SCRIB: variants seen among roughly 807,000 people sequenced by gnomAD.
The protein encoded by SCRIB is scribble planar cell polarity protein, also known as protein scribble homolog.
A neutral mutation model predicts 170.0 loss-of-function variants in SCRIB; 72 were observed. The ratio of observed to expected loss-of-function variants is 0.42; its 90% CI spans 0.35 to 0.52. The LOEUF (loss-of-function observed/expected upper bound fraction) is 0.52. Among genes scored for constraint, SCRIB ranks in the 20% least tolerant of loss-of-function variants. SCRIB has a pLI of 0.02. For synonymous variants in SCRIB, 1,298 were observed against 1,044.3 expected, an observed-to-expected ratio of 1.24 and a Z score of -4.68; for missense variants, 2,475 against 2,338.5, an observed-to-expected ratio of 1.06 and a Z score of -1.20.
chr8:143,808,166 G>A (rs1449222687), intron 15 of SCRIB, among the ~76,000 whole-genome samples: 1 of 152,208 alleles, frequency 6.6e-6, no homozygotes, highest in African/African-American at 2.4e-5. Flanking sequence ...CCTGCCCTGG[G>A]ACCACGACAC....
chr8:143,795,242 G>A (rs782051785), intron 26 of SCRIB, 35 bp downstream of exon 26: 2 of 1,611,566 alleles, frequency 1.2e-6, no homozygotes, highest in Non-Finnish European at 1.7e-6. Context: ...CCGCTCCAGT[G>A]CCCTGATGTG....
chr8:143,804,040 C>A lies in SCRIB; in HGVS notation c.3120+6G>T. On this transcript the variant is annotated splice_donor_region_variant and intron_variant, in intron 22 of 36. Coordinates refer to ENST00000356994, the MANE Select transcript of SCRIB (RefSeq NM_182706.5). ...CTCACAGAACCGCCTGGATGGGCCG[C>A]CCTACCTTGGAGATGAACACACCAG... 2 of 1,602,636 alleles carry A rather than the reference C, an allele frequency of 1.2e-6. No homozygotes were observed. The highest frequency in any genetic ancestry group is 1.7e-6 in the Non-Finnish European group (2 of 1,172,624).
chr8:143,810,341 C>T (rs1815649633), intron 13 of SCRIB, 138 bp downstream of exon 13: 1 of 1,303,484 alleles, frequency 7.7e-7, no homozygotes, highest in Non-Finnish European at 1.1e-6. Context: ...GCTCCATGTC[C>T]CTGAAACCTG....
At position 143,795,348 on chromosome 8, in the gene SCRIB, G is replaced by A. The variant is rs782579942; in HGVS notation, c.3715-15C>T. ...AGCTCCTTCTCCTGTGAGCAGAGCAGAGCAGACCCGTCAGGCACCACCGGC... is the reference window on the plus strand; with the variant it reads ...AGCTCCTTCTCCTGTGAGCAGAGCAAAGCAGACCCGTCAGGCACCACCGGC... On this transcript the variant is annotated splice_polypyrimidine_tract_variant and intron_variant, in intron 25 of 36. Coordinates refer to ENST00000356994, the MANE Select transcript of SCRIB (RefSeq NM_182706.5). 5.0e-6 allele frequency: 8 copies of A among 1,612,604 alleles called. No homozygotes were observed. Among genetic ancestry groups the A allele is most frequent in the Non-Finnish European group, 5.9e-6 (7 of 1,179,678 alleles).
Position 143,807,791 on chromosome 8 carries a change from A to T in SCRIB, c.2116-177T>A, listed in dbSNP as rs577027324. On this transcript the variant is annotated intron_variant, in intron 15 of 36. Coordinates refer to ENST00000356994, the MANE Select transcript of SCRIB (RefSeq NM_182706.5). ...CGTGAGTGACACCACACACCTGGGGACAAGCGGGGCTCCAGAGCTGAGCAG... is the reference window on the plus strand; with the variant it reads ...CGTGAGTGACACCACACACCTGGGGTCAAGCGGGGCTCCAGAGCTGAGCAG... Among the ~76,000 whole-genome samples, 63 of 152,210 alleles carry T rather than the reference A, an allele frequency of 4.1e-4. No individual in the cohort carries two copies. In the South Asian group the frequency reaches 0.013, roughly 32 times the overall value.
In SCRIB at chr8:143,808,637, C is replaced by G; in HGVS notation, c.2087G>C (p.Gly696Ala). The change falls in exon 15 of 37, where the codon GGG becomes GCG. Residue 696 changes from glycine to alanine, a missense_variant. Gly to Ala is a moderately conservative substitution (Grantham distance 60). Around this residue, in one of 3 missense-constraint regions of SCRIB, gnomAD observed 1,966 missense variants for 1,742.9 expected, o/e 1.13. Coordinates refer to ENST00000356994, the MANE Select transcript of SCRIB (RefSeq NM_182706.5). ...GACAGAGGGCGCAGAAACCACGGCC[C>G]CCTCCTTGTCCTCCTCCTCAGTGCT... Reference protein sequence around the residue: ...EASTEEEDKEGAVVSAPSVKG... With the variant: ...EASTEEEDKEAAVVSAPSVKG... 6.6e-7 allele frequency: 1 copy of G among 1,512,430 alleles called. No individual in the cohort carries two copies. The highest frequency in any genetic ancestry group is 8.8e-7 in the Non-Finnish European group (1 of 1,131,458). 93.7% of individuals were successfully genotyped at this position (1,512,430 alleles called of 1,614,324 possible). A position where few individuals can be genotyped will look rare whatever the true frequency, so the allele number is the denominator to read the frequency against.
intron 1 of SCRIB, 138 bp from the exon 2 acceptor site, chr8:143,814,256 C>T (rs1404827481): frequency 1.5e-6 from 1 of 665,524 alleles, no homozygotes; most frequent in Admixed American, 2.7e-5. Flanking sequence ...TGGGGTCTAA[C>T]CACGACACCC....
intron 15 of SCRIB, 114 bp from the exon 16 acceptor site, chr8:143,807,728 C>T (rs1815493185): frequency 3.6e-6 from 3 of 844,208 alleles, no homozygotes; most frequent in South Asian, 2.7e-5. Context: ...CAGCAAGCTC[C>T]CTCGACTGCC....
chr8:143,815,678 T>C lies in SCRIB; in HGVS notation c.-306A>G. 1.0e-6 allele frequency: 1 copy of C among 982,338 alleles called. No individual in the cohort carries two copies. The highest frequency in any genetic ancestry group is 1.2e-6 in the Non-Finnish European group (1 of 828,852). 60.9% of individuals were successfully genotyped at this position (982,338 alleles called of 1,614,324 possible). ...CTGCTCAGCTCGTCCCGCCCGCTCG[T>C]CCGCCCGCTGTGCCGCACCGGAACC... On this transcript the variant is annotated 5_prime_UTR_variant, in exon 1 of 37. Coordinates refer to ENST00000356994, the MANE Select transcript of SCRIB (RefSeq NM_182706.5).
At chr8:143,814,204 A>C (rs1815905133) in intron 1 of SCRIB, 86 bp from the exon 2 acceptor site, 9 of 1,125,454 alleles carry the variant, frequency 8.0e-6, no homozygotes, top group Middle Eastern at 2.7e-4. Flanking sequence ...TCACAAGTCA[A>C]GAGTCCCTAG....
At chr8:143,813,158 C>A in intron 6 of SCRIB, 54 bp from the exon 7 acceptor site, 1 of 1,581,318 alleles carries the variant, frequency 6.3e-7, no homozygotes, top group South Asian at 1.1e-5. Flanking sequence ...TCCTGCTGCG[C>A]CGTGCTCAAG....
intron 26 of SCRIB, 29 bp from the exon 27 acceptor site, chr8:143,795,141 AG>A: frequency 6.2e-7 from 1 of 1,607,524 alleles, no homozygotes; most frequent in Non-Finnish European, 8.5e-7. Flanking sequence ...CAGCACTAGC[AG>A]GGGTAGCTCC....
Position 143,793,197 on chromosome 8 carries a change from C to T in SCRIB, c.3910-114G>A, listed in dbSNP as rs1233773902. On this transcript the variant is annotated intron_variant, in intron 28 of 36. Coordinates refer to ENST00000356994, the MANE Select transcript of SCRIB (RefSeq NM_182706.5). ...TCCCCCCGCCTGCCTTTGATCCCCACCCACCATCCTGCTGGGGAAGGAGGC... is the reference window on the plus strand; with the variant it reads ...TCCCCCCGCCTGCCTTTGATCCCCATCCACCATCCTGCTGGGGAAGGAGGC... 6 of 579,968 alleles carry T rather than the reference C, an allele frequency of 1.0e-5. No homozygotes were observed. The Admixed American group carries it at 1.9e-4, about 18-fold the overall frequency. 35.9% of individuals were successfully genotyped at this position (579,968 alleles called of 1,614,324 possible). A position where few individuals can be genotyped will look rare whatever the true frequency, so the allele number is the denominator to read the frequency against.
Position 143,791,729 on chromosome 8 carries a change from T to C in SCRIB, c.4707A>G (p.Gly1569=), listed in dbSNP as rs557094565. 10 of 1,594,804 alleles carry C rather than the reference T, an allele frequency of 6.3e-6. No individual in the cohort carries two copies. In the African/African-American group the frequency reaches 1.2e-4, roughly 20 times the overall value. Reference sequence around the variant, plus strand: ...CAAAGGCCCTGTAGTCAAACTTCTTTCCAGACAAGGGCTTGAAAGGACAGC... The same window carrying C: ...CAAAGGCCCTGTAGTCAAACTTCTTCCCAGACAAGGGCTTGAAAGGACAGC... ...STSPGRLPLS[G]KKFDYRAFAA... is the part of the protein sequence containing the mutation. The change falls in exon 35 of 37, where the codon GGA becomes GGG. Residue 1569 remains glycine, a synonymous_variant. Coordinates refer to ENST00000356994, the MANE Select transcript of SCRIB (RefSeq NM_182706.5).
At chr8:143,798,403 G>T (rs1554634444) in intron 24 of SCRIB, among the ~76,000 whole-genome samples, 1 of 152,230 alleles carries the variant, frequency 6.6e-6, no homozygotes, top group African/African-American at 2.4e-5. Context: ...CCCAGGCAGG[G>T]TGAACCCTCA....
intron 19 of SCRIB, 25 bp from the exon 20 acceptor site, chr8:143,805,039 G>C (rs1327881796): frequency 6.3e-7 from 1 of 1,582,776 alleles, no homozygotes; most frequent in Non-Finnish European, 8.6e-7. Context: ...GGAGGAGGCA[G>C]GGCTGCCGGT....
rs782549360 is a variant in SCRIB at position 143,795,450 on chromosome 8, G to C, written c.3684C>G (p.Asp1228Glu). ...RNSLESISSIDRELSPEGPGK... is the reference protein window; with the variant it reads ...RNSLESISSIERELSPEGPGK... ...CTGGGCCCTCAGGGCTCAGCTCCCG[G>C]TCGATGGAAGAGATGCTCTCCAGGC... is the stretch of plus-strand genomic sequence containing the variant. The change falls in exon 25 of 37, where the codon GAC (aspartate) becomes GAG (glutamate). Residue 1228 changes from aspartate (D) to glutamate (E), a missense_variant. Around this residue, in one of 3 missense-constraint regions of SCRIB, gnomAD observed 1,966 missense variants for 1,742.9 expected, o/e 1.13. Transcript: ENST00000356994. 3.1e-6 allele frequency: 5 copies of C among 1,613,168 alleles called. No individual in the cohort carries two copies. Among genetic ancestry groups the C allele is most frequent in the Non-Finnish European group, 4.2e-6 (5 of 1,179,856 alleles).
Position 143,791,902 on chromosome 8 carries a change from G to T in SCRIB, c.4669C>A (p.Gln1557Lys). 1 of 1,520,612 alleles carries T rather than the reference G, an allele frequency of 6.6e-7. No homozygotes were observed. The highest frequency in any genetic ancestry group is 8.8e-7 in the Non-Finnish European group (1 of 1,133,598). The allele number at this position is 1,520,612 out of a possible 1,614,324, so 94.2% of individuals were successfully genotyped here. ...AGGCGTCCCGGGGAGGTGCTGGTCT[G>T]GGGGCCGAGGTCTGGGGGGACAAGA... Reference protein sequence around the residue: ...SPTPVEDLGPQTSTSPGRLPL... With the variant: ...SPTPVEDLGPKTSTSPGRLPL... Residue 1557 changes from glutamine (Q) to lysine (K), a missense_variant, in exon 34 of 37, where the codon CAG becomes AAG. Around this residue, in one of 3 missense-constraint regions of SCRIB, gnomAD observed 1,966 missense variants for 1,742.9 expected, o/e 1.13. Transcript: ENST00000356994.
intron 1 of SCRIB, among the ~76,000 whole-genome samples, chr8:143,814,506 C>T (rs927993320): frequency 6.6e-6 from 1 of 152,106 alleles, no homozygotes; most frequent in African/African-American, 2.4e-5. Flanking sequence ...CCTGGTTCTG[C>T]AGCAAGAACT....
Sources: allele counts gnomAD v4.1 joint callset (sites outside exome capture counted in the v4.1 genomes callset), GRCh38; gene constraint gnomAD v4.1.1; regional missense constraint gnomAD v4.1.1; transcripts MANE v1.5; gene names NCBI Gene and HGNC (gene_info 2026-07-23, HGNC 2026-07-21).